The following MELK variants were observed in gnomAD, a reference collection of about 807,000 sequenced individuals.
MELK encodes the protein maternal embryonic leucine zipper kinase.
A neutral mutation model predicts 85.0 loss-of-function variants in MELK; 81 were observed. The ratio of observed to expected loss-of-function variants is 0.95; its 90% CI spans 0.80 to 1.15. The LOEUF is 1.15. Among genes scored for constraint, MELK ranks in the 50% most tolerant of loss-of-function variants. The pLI is 0.00. For synonymous variants in MELK, 252 were observed against 265.0 expected, an observed-to-expected ratio of 0.95 and a Z score of 0.48; for missense variants, 754 against 777.5, an observed-to-expected ratio of 0.97 and a Z score of 0.36.
chr9:36,658,039 C>T (rs1332179668), intron 13 of MELK, among the ~76,000 whole-genome samples: 2 of 151,774 alleles, frequency 1.3e-5, no homozygotes, highest in Non-Finnish European at 2.9e-5. Flanking sequence ...TTCCGTTACT[C>T]CTCAAAATTC....
intron 1 of MELK, among the ~76,000 whole-genome samples, chr9:36,577,076 C>G (rs986621677): frequency 6.6e-6 from 1 of 152,164 alleles, no homozygotes; most frequent in Non-Finnish European, 1.5e-5. Context: ...AGGTTGAACT[C>G]ACACTCTAGG....
At chr9:36,647,494 CT>C (rs112975528) in intron 11 of MELK, among the ~76,000 whole-genome samples, 265 of 143,460 alleles carry the variant, frequency 1.8e-3, no homozygotes, top group Admixed American at 1.7e-3. Context: ...TTCTTTCTTT[CT>C]TTTTTTTTTT....
intron 6 of MELK, among the ~76,000 whole-genome samples, chr9:36,598,730 T>C (rs73436982): frequency 8.3e-4 from 127 of 152,252 alleles, no homozygotes; most frequent in African/African-American, 2.9e-3. Flanking sequence ...AATAAATTTT[T>C]CCCCCCGGGA....
In MELK at chr9:36,615,990, A is replaced by T. The variant is rs1456052529; in HGVS notation, c.666+8317A>T. On this transcript the variant is annotated intron_variant, in intron 8 of 17. Coordinates refer to ENST00000298048, the MANE Select transcript of MELK (RefSeq NM_014791.4). Reference sequence around the variant, plus strand: ...GAGGCTGCAATCTCGGCACTTTGGGAGGCCAAGGCAGGCGGCTGCTCCTTG... The same window carrying T: ...GAGGCTGCAATCTCGGCACTTTGGGTGGCCAAGGCAGGCGGCTGCTCCTTG... 4.6e-5 allele frequency among the ~76,000 whole-genome samples: 7 copies of T among 152,030 alleles called. No homozygotes were observed. The East Asian group carries it at 1.4e-3, about 30-fold the overall frequency.
rs535870128 is a variant in MELK, at chr9:36,640,631, G to T, written c.835-2366G>T. ...CTGGCTAATTTTTGAATATTTTTTT[G>T]TAGTAATGGAGTCTTGCTGTATTGC... is the stretch of plus-strand genomic sequence containing the variant. On this transcript the variant is annotated intron_variant, in intron 10 of 17. Coordinates refer to ENST00000298048, the MANE Select transcript of MELK (RefSeq NM_014791.4). Among the ~76,000 whole-genome samples the T allele has an allele frequency of 3.9e-5, 6 of 152,058 alleles. No homozygotes were observed. The East Asian group carries it at 1.2e-3, about 29-fold the overall frequency.
intron 11 of MELK, among the ~76,000 whole-genome samples, chr9:36,645,657 C>T (rs1830156414): frequency 6.6e-6 from 1 of 152,160 alleles, no homozygotes; most frequent in South Asian, 2.1e-4. Context: ...AGTGGCATTT[C>T]TTGGGAACTT....
intron 8 of MELK, among the ~76,000 whole-genome samples, chr9:36,612,728 C>CT (rs1564159840): frequency 6.6e-6 from 1 of 152,138 alleles, no homozygotes; most frequent in African/African-American, 2.4e-5. Flanking sequence ...TTAATGTGTA[C>CT]TTTTTTGGGA....
intron 16 of MELK, among the ~76,000 whole-genome samples, chr9:36,674,544 A>G (rs1333772469): frequency 6.6e-6 from 1 of 152,226 alleles, no homozygotes; most frequent in Admixed American, 6.5e-5. Context: ...TCAAACAGTT[A>G]GATGGGTGCT....
At chr9:36,618,174 T>G (rs1040021916) in intron 8 of MELK, among the ~76,000 whole-genome samples, 2 of 151,600 alleles carry the variant, frequency 1.3e-5, no homozygotes, top group African/African-American at 4.8e-5. Flanking sequence ...CCCAGCACTT[T>G]GGGAAGCTGA....
intron 12 of MELK, among the ~76,000 whole-genome samples, chr9:36,653,783 G>T (rs1830947050): frequency 6.7e-6 from 1 of 150,340 alleles, no homozygotes; most frequent in Admixed American, 6.6e-5. Flanking sequence ...CCTCAAAACT[G>T]TAAAAAAAAA....
intron 8 of MELK, among the ~76,000 whole-genome samples, chr9:36,627,463 T>G (rs567631880): frequency 6.6e-6 from 1 of 152,222 alleles, no homozygotes; most frequent in South Asian, 2.1e-4. Context: ...TATTATTACA[T>G]TTTTATTCCC....
At chr9:36,588,888 GCTT>G (rs1823233811) in intron 3 of MELK, among the ~76,000 whole-genome samples, 1 of 152,120 alleles carries the variant, frequency 6.6e-6, no homozygotes, top group African/African-American at 2.4e-5. Context: ...TGCTCAGCAT[GCTT>G]CTTAAACGGT....
Position 36,607,636 on chromosome 9 carries a change from A to G in MELK, c.629A>G (p.Asp210Gly). ...YVLMCGFLPF[D>G]DDNVMALYKK... is the part of the protein sequence containing the mutation. ...CTTATGTGTGGATTTCTACCATTTG[A>G]TGATGATAATGTAATGGCTTTATAC... is the stretch of plus-strand genomic sequence containing the variant. Residue 210 changes from aspartate (D) to glycine (G), a missense_variant, in exon 8 of 18, where the codon GAT becomes GGT. By Grantham distance (94) the Asp-to-Gly change is moderately conservative. Transcript: ENST00000298048. The G allele has an allele frequency of 6.2e-7, 1 of 1,610,898 alleles. No individual in the cohort carries two copies. The highest frequency in any genetic ancestry group is 8.5e-7 in the Non-Finnish European group (1 of 1,177,148).
intron 5 of MELK, among the ~76,000 whole-genome samples, chr9:36,596,563 GTT>G (rs750016508): frequency 9.4e-5 from 10 of 106,160 alleles, no homozygotes; most frequent in African/African-American, 1.5e-4. Flanking sequence ...GGCCCTTTTT[GTT>G]TTTTTTGTTT....
chr9:36,617,344 T>G (rs902379689), intron 8 of MELK, among the ~76,000 whole-genome samples: 1 of 152,122 alleles, frequency 6.6e-6, no homozygotes, highest in African/African-American at 2.4e-5. Context: ...CTTTCTTTTT[T>G]TTTTTAGAGA....
At chr9:36,600,810 G>A (rs561982078) in intron 7 of MELK, among the ~76,000 whole-genome samples, 21 of 152,260 alleles carry the variant, frequency 1.4e-4, no homozygotes, top group African/African-American at 4.1e-4. Flanking sequence ...GCATCTTTTG[G>A]AACTAGCATA....
At chr9:36,577,514 T>TCAAA (rs780154586) in intron 1 of MELK, among the ~76,000 whole-genome samples, 3 of 150,426 alleles carry the variant, frequency 2.0e-5, no homozygotes, top group Admixed American at 1.3e-4. Flanking sequence ...AGACTCCATC[T>TCAAA]CAAACAAACA....
chr9:36,583,605 CATA>C lies in MELK; in HGVS notation c.59-18_59-16del. On this transcript the variant is annotated intron_variant, in intron 2 of 17. Coordinates refer to ENST00000298048, the MANE Select transcript of MELK (RefSeq NM_014791.4). ...GTGCCTGAGTCCTTGCTTATGCTTT[CATA>C]ATACATTTTCCTACTTAGGTGGCTT... The C allele has an allele frequency of 1.3e-6, 2 of 1,548,778 alleles. No homozygotes were observed. Among genetic ancestry groups the C allele is most frequent in the African/African-American group, 2.7e-5 (2 of 73,572 alleles).
At chr9:36,588,846 C>T (rs954621672) in intron 3 of MELK, among the ~76,000 whole-genome samples, 2 of 152,142 alleles carry the variant, frequency 1.3e-5, no homozygotes, top group African/African-American at 4.8e-5. Context: ...AGTGAATACC[C>T]ATATACCTTT....
Sources: gnomAD v4.1 joint callset for allele counts (sites outside exome capture counted in the v4.1 genomes callset) on GRCh38, gnomAD v4.1.1 for gene constraint, MANE v1.5 for transcripts, NCBI Gene and HGNC (gene_info 2026-07-23, HGNC 2026-07-21) for gene names.